KIF26B: variants seen among roughly 807,000 people sequenced by gnomAD.
KIF26B encodes the protein kinesin family member 26B, also known as kinesin-like protein KIF26B.
In KIF26B, 63 loss-of-function variants were observed where a neutral mutation model predicts 151.2. The observed-to-expected ratio is 0.42, with a 90% CI of 0.34 to 0.51. The LOEUF (loss-of-function observed/expected upper bound fraction) is 0.51. KIF26B is among the 20% of genes least tolerant of loss of function. KIF26B has a pLI of 0.07. For missense variants in KIF26B, 2,813 were observed against 2,913.6 expected, an observed-to-expected ratio of 0.97 and a Z score of 0.79; for synonymous variants, 1,357 against 1,262.1, an observed-to-expected ratio of 1.08 and a Z score of -1.59.
chr1:245,615,801 C>T (rs1214116080), intron 9 of KIF26B, among the ~76,000 whole-genome samples: 2 of 152,202 alleles, frequency 1.3e-5, no homozygotes, highest in Non-Finnish European at 2.9e-5. Flanking sequence ...GGATCCCGGC[C>T]AGAATGCACA....
chr1:245,381,416 GC>G (rs955001811), intron 3 of KIF26B, among the ~76,000 whole-genome samples: 1 of 152,168 alleles, frequency 6.6e-6, no homozygotes, highest in Admixed American at 6.5e-5. Context: ...TCTACATGAG[GC>G]CCAGGATGGC....
chr1:245,316,742 A>G (rs1351361036), intron 2 of KIF26B, among the ~76,000 whole-genome samples: 2 of 147,920 alleles, frequency 1.4e-5, no homozygotes, highest in Non-Finnish European at 3.0e-5. Flanking sequence ...GTTTCCCTAT[A>G]CTGATTTGGT....
At chr1:245,665,981 T>C (rs1023666614) in intron 10 of KIF26B, among the ~76,000 whole-genome samples, 13 of 149,418 alleles carry the variant, frequency 8.7e-5, no homozygotes, top group African/African-American at 3.0e-4. Flanking sequence ...CCACTGCTCC[T>C]GGCTGGAACA....
At chr1:245,568,675 G>C (rs2043035860) in intron 5 of KIF26B, among the ~76,000 whole-genome samples, 1 of 152,174 alleles carries the variant, frequency 6.6e-6, no homozygotes, top group Admixed American at 6.5e-5. Flanking sequence ...GGGTCTCATG[G>C]GGGTACCTTA....
At chr1:245,341,319 T>G (rs796339373) in intron 2 of KIF26B, among the ~76,000 whole-genome samples, 7 of 73,328 alleles carry the variant, frequency 9.5e-5, no homozygotes, top group East Asian at 9.2e-4. Context: ...TTTTTTTTTT[T>G]TTTTTTTTTT....
intron 9 of KIF26B, among the ~76,000 whole-genome samples, chr1:245,612,476 T>C (rs1417529330): frequency 6.6e-6 from 1 of 152,226 alleles, no homozygotes; most frequent in East Asian, 1.9e-4. Flanking sequence ...TTATAGTATC[T>C]GGGCTGAAGT....
intron 3 of KIF26B, among the ~76,000 whole-genome samples, chr1:245,377,148 C>T (rs757886880): frequency 1.4e-4 from 22 of 152,206 alleles, no homozygotes; most frequent in Non-Finnish European, 3.1e-4. Context: ...CTCCTGACCT[C>T]AGGTGACCCA....
chr1:245,507,228 G>A (rs190866607), intron 4 of KIF26B, among the ~76,000 whole-genome samples: 43 of 152,314 alleles, frequency 2.8e-4, no homozygotes, highest in African/African-American at 9.6e-4. Context: ...TGGAAACAGA[G>A]CAGAAGGTTG....
At chr1:245,257,844 A>C (rs962928213) in intron 2 of KIF26B, among the ~76,000 whole-genome samples, 13 of 152,206 alleles carry the variant, frequency 8.5e-5, no homozygotes, top group Non-Finnish European at 1.8e-4. Context: ...CAACATGGTG[A>C]AACCCCATCT....
chr1:245,195,396 T>A lies in KIF26B; in HGVS notation c.465+38713T>A, dbSNP rs188418636. Reference sequence around the variant, plus strand: ...CGTCATTTAAATAGGAGGCGTGTCGTGATGGTGGGCAACCTTGTTCCCACC... The same window carrying A: ...CGTCATTTAAATAGGAGGCGTGTCGAGATGGTGGGCAACCTTGTTCCCACC... On this transcript the variant is annotated intron_variant, in intron 2 of 14. Transcript: ENST00000407071. Among the ~76,000 whole-genome samples, 178 of 152,328 alleles carry A rather than the reference T, an allele frequency of 1.2e-3. 1 individual carries two copies. Among genetic ancestry groups the A allele is most frequent in the South Asian group, 1.9e-3 (9 of 4,822 alleles).
In KIF26B at chr1:245,540,836, A is replaced by C. The variant is rs1483638656; in HGVS notation, c.1236A>C (p.Glu412Asp). ...KHRPSTSSAA[E>D]PPLFATSFSG... Reference sequence around the variant, plus strand: ...GGCCTTCCACTTCTTCCGCTGCCGAACCACCGCTCTTTGCAACCAGCTTCA... The same window carrying C: ...GGCCTTCCACTTCTTCCGCTGCCGACCCACCGCTCTTTGCAACCAGCTTCA... Residue 412 changes from glutamate (E) to aspartate (D), a missense_variant, in exon 5 of 15, where the codon GAA becomes GAC. Physicochemically the swap from Glu to Asp is conservative, Grantham distance 45. Transcript: ENST00000407071. This position sits in a 1 kb window ranked among gnomAD's most constrained non-coding sequence, Gnocchi z 4.6. 1.2e-6 allele frequency: 2 copies of C among 1,613,832 alleles called. No homozygotes were observed. The highest frequency in any genetic ancestry group is 2.7e-5 in the African/African-American group (2 of 74,888).
chr1:245,595,126 A>C (rs1409713958), intron 5 of KIF26B, among the ~76,000 whole-genome samples: 1 of 151,960 alleles, frequency 6.6e-6, no homozygotes, highest in Non-Finnish European at 1.5e-5. Context: ...AATTTGACTT[A>C]CTCTCTTCCT....
chr1:245,558,794 T>C (rs1386677016), intron 5 of KIF26B, among the ~76,000 whole-genome samples: 2 of 152,188 alleles, frequency 1.3e-5, no homozygotes, highest in African/African-American at 4.8e-5. Context: ...CATGACACTG[T>C]TTCACTCAGA....
chr1:245,161,390 C>T (rs1359162469), intron 2 of KIF26B, among the ~76,000 whole-genome samples: 1 of 152,186 alleles, frequency 6.6e-6, no homozygotes, highest in Admixed American at 6.5e-5. Flanking sequence ...ATTCCTTCCA[C>T]ACCCATTGCA....
chr1:245,591,574 C>A (rs1467554845), intron 5 of KIF26B, among the ~76,000 whole-genome samples: 1 of 152,158 alleles, frequency 6.6e-6, no homozygotes, highest in Admixed American at 6.5e-5. Flanking sequence ...AGGCCATGTG[C>A]CCTGTAAGTC....
At chr1:245,642,303 T>C (rs1463317638) in intron 9 of KIF26B, among the ~76,000 whole-genome samples, 2 of 152,090 alleles carry the variant, frequency 1.3e-5, no homozygotes, top group East Asian at 1.9e-4. Context: ...GCCTTTCTCA[T>C]TGGCTGAGAC....
At chr1:245,240,511 A>G (rs1670196120) in intron 2 of KIF26B, among the ~76,000 whole-genome samples, 1 of 152,226 alleles carries the variant, frequency 6.6e-6, no homozygotes, top group South Asian at 2.1e-4. Flanking sequence ...GTACAGACAT[A>G]CGAGTGTGTA....
At chr1:245,264,984 G>A (rs1368270077) in intron 2 of KIF26B, among the ~76,000 whole-genome samples, 1 of 151,588 alleles carries the variant, frequency 6.6e-6, no homozygotes. Context: ...CAGATCACAA[G>A]GTCAGGAGAT....
intron 10 of KIF26B, among the ~76,000 whole-genome samples, chr1:245,658,538 G>A (rs2044099623): frequency 6.6e-6 from 1 of 152,084 alleles, no homozygotes; most frequent in Non-Finnish European, 1.5e-5. Flanking sequence ...CTACAGGTGT[G>A]CACCACCATG....
Sources: gnomAD v4.1 joint callset for allele counts (sites outside exome capture counted in the v4.1 genomes callset) on GRCh38, gnomAD v4.1.1 for gene constraint, Gnocchi (gnomAD v3.1) non-coding constraint, MANE v1.5 for transcripts, NCBI Gene and HGNC (gene_info 2026-07-23, HGNC 2026-07-21) for gene names.